The following FRMPD4 variants were observed in gnomAD, a reference collection of about 807,000 sequenced individuals.
The protein encoded by FRMPD4 is FERM and PDZ domain-containing protein 4.
In FRMPD4, 22 loss-of-function variants were observed where a neutral mutation model predicts 94.1. The ratio of observed to expected loss-of-function variants is 0.23; its 90% CI spans 0.17 to 0.33. FRMPD4 has a LOEUF of 0.33. FRMPD4 is among the 10% of genes least tolerant of loss of function. FRMPD4 has a pLI of 1.00. For missense variants in FRMPD4, 1,111 were observed against 1,339.9 expected (o/e 0.83, Z 2.67); for synonymous variants, 631 against 548.6 (o/e 1.15, Z -2.10).
intron 1 of FRMPD4, among the ~76,000 whole-genome samples, chrX:12,238,502 G>A (rs1279905683): frequency 8.9e-6 from 1 of 112,030 alleles, no homozygotes; most frequent in Admixed American, 9.5e-5. Context: ...CTTTAAAAAT[G>A]TGATCTATAA....
intron 1 of FRMPD4, among the ~76,000 whole-genome samples, chrX:12,298,280 C>T (rs745985065): frequency 8.9e-6 from 1 of 112,308 alleles, no homozygotes; most frequent in East Asian, 2.8e-4. Context: ...CAGATCCCCT[C>T]AATGTAAACT....
intron 3 of FRMPD4, among the ~76,000 whole-genome samples, chrX:12,032,671 T>A (rs775961398): frequency 8.9e-6 from 1 of 112,249 alleles, no homozygotes; most frequent in African/African-American, 3.2e-5. Context: ...GAGACTAGCC[T>A]TAGAAGGAAG....
chrX:12,553,952 A>C (rs1223759201), intron 2 of FRMPD4, among the ~76,000 whole-genome samples: 2 of 111,997 alleles, frequency 1.8e-5, no homozygotes, highest in African/African-American at 6.5e-5. Context: ...TTTCTTAAAC[A>C]ATCAACATTA....
chrX:12,381,613 A>G (rs769306030), intron 1 of FRMPD4, among the ~76,000 whole-genome samples: 1 of 112,149 alleles, frequency 8.9e-6, no homozygotes, highest in Non-Finnish European at 1.9e-5. Flanking sequence ...GCATCTTAGC[A>G]TCTTATTTAG....
chrX:12,311,604 C>T (rs1437646357), intron 1 of FRMPD4, among the ~76,000 whole-genome samples: 1 of 110,610 alleles, frequency 9.0e-6, no homozygotes, highest in Non-Finnish European at 1.9e-5. Flanking sequence ...TGGTGGTCAA[C>T]TATTTCTATT....
At chrX:12,267,462 G>A (rs185421359) in intron 1 of FRMPD4, among the ~76,000 whole-genome samples, 539 of 112,255 alleles carry the variant, frequency 4.8e-3, no homozygotes, top group African/African-American at 0.017. Context: ...TTGAAGCATG[G>A]TTGTTAGTAT....
chrX:12,565,120 C>A (rs1316805558), intron 2 of FRMPD4, among the ~76,000 whole-genome samples: 1 of 109,564 alleles, frequency 9.1e-6, no homozygotes, highest in Non-Finnish European at 1.9e-5. Context: ...GGATTATAAC[C>A]AAGTGTAAAA....
At chrX:11,828,210 A>G (rs1194803160) in intron 1 of FRMPD4, among the ~76,000 whole-genome samples, 1 of 112,132 alleles carries the variant, frequency 8.9e-6, no homozygotes, top group African/African-American at 3.2e-5. Context: ...GTAGCTTGTT[A>G]CATTGTCCCT....
At chrX:11,986,442 T>C (rs1198009099) in intron 3 of FRMPD4, among the ~76,000 whole-genome samples, 1 of 111,412 alleles carries the variant, frequency 9.0e-6, no homozygotes, top group East Asian at 2.8e-4. Context: ...AAGAGAGAAA[T>C]TTATAGCTAT....
chrX:12,474,959 T>G (rs1026537046), intron 1 of FRMPD4, among the ~76,000 whole-genome samples: 1 of 112,007 alleles, frequency 8.9e-6, no homozygotes, highest in Non-Finnish European at 1.9e-5. Context: ...CTAACTCATT[T>G]TATGAGGCCA....
At chrX:12,291,256 C>T (rs777676766) in intron 1 of FRMPD4, among the ~76,000 whole-genome samples, 2 of 112,282 alleles carry the variant, frequency 1.8e-5, no homozygotes, top group Non-Finnish European at 3.8e-5. Context: ...ACTTGTACTA[C>T]CTGAACTTTT....
At chrX:12,680,237 T>C (rs1349338545) in intron 5 of FRMPD4, among the ~76,000 whole-genome samples, 1 of 112,173 alleles carries the variant, frequency 8.9e-6, no homozygotes, top group Admixed American at 9.4e-5. Context: ...GGCCTGATAA[T>C]CTTAAAATTA....
intron 1 of FRMPD4, among the ~76,000 whole-genome samples, chrX:12,192,354 G>A (rs981904737): frequency 4.5e-5 from 5 of 112,106 alleles, no homozygotes; most frequent in Admixed American, 2.8e-4. Flanking sequence ...TGCTATTCCT[G>A]TAGTGGTATT....
At chrX:12,049,852 T>G (rs2054807329) in intron 3 of FRMPD4, among the ~76,000 whole-genome samples, 1 of 111,034 alleles carries the variant, frequency 9.0e-6, no homozygotes, top group African/African-American at 3.3e-5. Flanking sequence ...ATGTGTATAT[T>G]TGTGTCTTCA....
intron 1 of FRMPD4, among the ~76,000 whole-genome samples, chrX:12,331,668 A>AT (rs1491377333): frequency 5.3e-5 from 4 of 75,721 alleles, no homozygotes; most frequent in African/African-American, 1.1e-4. Context: ...TAATATATAA[A>AT]TATATAAATT....
chrX:12,053,422 GAAAGAAAGAGAA>G (rs2054834953), intron 3 of FRMPD4, among the ~76,000 whole-genome samples: 7 of 92,050 alleles, frequency 7.6e-5, no homozygotes, highest in African/African-American at 1.6e-4. Flanking sequence ...AAGAAAGAAA[GAAAGAAAGAGAA>G]AGAAAGAAGA....
chrX:12,669,529 AACTG>A (rs2059817490), intron 4 of FRMPD4, among the ~76,000 whole-genome samples: 1 of 112,257 alleles, frequency 8.9e-6, no homozygotes, highest in Non-Finnish European at 1.9e-5. Context: ...AACACTAGGT[AACTG>A]ATAAAGCTAA....
chrX:12,075,386 G>T (rs1470864327), intron 3 of FRMPD4, among the ~76,000 whole-genome samples: 1 of 111,572 alleles, frequency 9.0e-6, no homozygotes. Flanking sequence ...TGTACCTTCT[G>T]CTCAATTTTT....
intron 2 of FRMPD4, among the ~76,000 whole-genome samples, chrX:12,502,251 C>G (rs1345471460): frequency 1.8e-5 from 2 of 112,464 alleles, no homozygotes; most frequent in Non-Finnish European, 3.8e-5. Context: ...AGAACTGAGA[C>G]TCAGCCTATG....
Sources: allele counts gnomAD v4.1 joint callset (sites outside exome capture counted in the v4.1 genomes callset), GRCh38; gene constraint gnomAD v4.1.1; transcripts MANE v1.5; gene names NCBI Gene and HGNC (gene_info 2026-07-23, HGNC 2026-07-21).